Variants in SQOR observed in about 807,000 individuals in gnomAD.
The protein encoded by SQOR is sulfide quinone oxidoreductase, also known as sulfide:quinone oxidoreductase, mitochondrial.
Under a neutral mutation model 48.6 loss-of-function variants are expected in SQOR, and 39 were observed. That is an observed-to-expected ratio of 0.80 (90% CI 0.62 to 1.05). The LOEUF is 1.05. Ranked by LOEUF, SQOR falls within the 50% of genes least tolerant of loss-of-function variation. The pLI is 0.00. For synonymous variants in SQOR, 220 were observed against 206.2 expected, an observed-to-expected ratio of 1.07 and a Z score of -0.57; for missense variants, 561 against 559.9, an observed-to-expected ratio of 1.00 and a Z score of -0.02.
chr15:45,648,036 C>G (rs1889376772), intron 1 of SQOR, among the ~76,000 whole-genome samples: 1 of 152,206 alleles, frequency 6.6e-6, no homozygotes, highest in Non-Finnish European at 1.5e-5. Context: ...TTCTCTATCT[C>G]TACTCAAACC....
intron 1 of SQOR, among the ~76,000 whole-genome samples, chr15:45,653,325 C>T (rs1274721064): frequency 6.6e-6 from 1 of 152,180 alleles, no homozygotes; most frequent in Non-Finnish European, 1.5e-5. Flanking sequence ...CCCAAGGCTC[C>T]CATGATCCAT....
intron 1 of SQOR, among the ~76,000 whole-genome samples, chr15:45,657,386 T>C (rs1889631076): frequency 6.6e-6 from 1 of 152,074 alleles, no homozygotes; most frequent in African/African-American, 2.4e-5. Flanking sequence ...TCTTCTTCAG[T>C]ATTAGAGGTT....
chr15:45,677,792 C>T (rs1252709012), intron 6 of SQOR, among the ~76,000 whole-genome samples: 1 of 152,222 alleles, frequency 6.6e-6, no homozygotes, highest in Non-Finnish European at 1.5e-5. Context: ...CCTCTGCTTC[C>T]CAGGTTCAAG....
intron 1 of SQOR, among the ~76,000 whole-genome samples, chr15:45,647,051 C>A (rs1889353454): frequency 6.6e-6 from 1 of 152,100 alleles, no homozygotes; most frequent in Non-Finnish European, 1.5e-5. Flanking sequence ...GAGTTCGACA[C>A]CAGCTTGGCC....
rs555934683 is a variant in SQOR at position 45,641,675 on chromosome 15, G to A, written c.-18+6567G>A. ...CATTACTCAAGCAGAGGTGTGCCAAGAGGAAGAGCACAGCTGCTATCCTTT... is the reference window on the plus strand; with the variant it reads ...CATTACTCAAGCAGAGGTGTGCCAAAAGGAAGAGCACAGCTGCTATCCTTT... On this transcript the variant is annotated intron_variant, in intron 1 of 9. Coordinates refer to ENST00000260324, the MANE Select transcript of SQOR (RefSeq NM_021199.4). 3.3e-5 allele frequency among the ~76,000 whole-genome samples: 5 copies of A among 152,332 alleles called. No homozygotes were observed. The East Asian group carries it at 9.6e-4, about 29-fold the overall frequency.
At chr15:45,670,079 G>A in intron 4 of SQOR, 98 bp downstream of exon 4, 2 of 1,146,892 alleles carry the variant, frequency 1.7e-6, no homozygotes, top group Non-Finnish European at 2.6e-6. Context: ...GACAAGAAAG[G>A]GGTTCTAAGA....
intron 1 of SQOR, among the ~76,000 whole-genome samples, chr15:45,642,191 G>A (rs1358955902): frequency 6.6e-6 from 1 of 152,132 alleles, no homozygotes; most frequent in Non-Finnish European, 1.5e-5. Flanking sequence ...GACCTTCCAA[G>A]GGCTCTCACT....
intron 5 of SQOR, among the ~76,000 whole-genome samples, chr15:45,675,468 C>T (rs1385240957): frequency 6.6e-6 from 1 of 151,638 alleles, no homozygotes; most frequent in African/African-American, 2.4e-5. Context: ...AATCTCAGCT[C>T]CCTGCAAACT....
In SQOR at chr15:45,659,853, A is replaced by T. The variant is rs75839029; in HGVS notation, c.234+696A>T. On this transcript the variant is annotated intron_variant, in intron 2 of 9. Transcript: ENST00000260324. ...AACATCCTTCTTTGAGAGAGATACA[A>T]TTCAACCCATGACACTCTCCCAGTG... Among the ~76,000 whole-genome samples the T allele has an allele frequency of 1.3e-3, 205 of 152,302 alleles. 1 individual carries two copies. The highest frequency in any genetic ancestry group is 4.9e-3 in the African/African-American group (202 of 41,556).
At position 45,674,174 on chromosome 15, in the gene SQOR, C is replaced by T. The variant is rs145099443; in HGVS notation, c.654+373C>T. Among the ~76,000 whole-genome samples the T allele has an allele frequency of 8.1e-3, 1,234 of 152,122 alleles. 20 individuals carry two copies. The highest frequency in any genetic ancestry group is 0.028 in the African/African-American group (1,157 of 41,508). Reference sequence around the variant, plus strand: ...ACTGGATGCTGGGTGTGGTGGCTCTCGCCTCTAATCCCAGCACTTTGGGAG... The same window carrying T: ...ACTGGATGCTGGGTGTGGTGGCTCTTGCCTCTAATCCCAGCACTTTGGGAG... On this transcript the variant is annotated intron_variant, in intron 5 of 9. Coordinates refer to ENST00000260324, the MANE Select transcript of SQOR (RefSeq NM_021199.4).
chr15:45,647,328 C>CTTTT (rs532535956), intron 1 of SQOR, among the ~76,000 whole-genome samples: 25 of 140,548 alleles, frequency 1.8e-4, no homozygotes, highest in Non-Finnish European at 2.5e-4. Context: ...GCTACTTTAA[C>CTTTT]TTTTTTTTTT....
intron 1 of SQOR, among the ~76,000 whole-genome samples, chr15:45,657,763 A>G (rs1014866915): frequency 6.6e-5 from 10 of 152,188 alleles, no homozygotes; most frequent in Non-Finnish European, 8.8e-5. Flanking sequence ...TGGAAATGAT[A>G]TAATTAAGTC....
intron 1 of SQOR, among the ~76,000 whole-genome samples, chr15:45,641,605 T>A (rs1419074371): frequency 6.6e-6 from 1 of 152,204 alleles, no homozygotes; most frequent in Non-Finnish European, 1.5e-5. Flanking sequence ...TTGTTAACAG[T>A]ATAGTAATCC....
At chr15:45,657,927 T>A (rs1889642725) in intron 1 of SQOR, among the ~76,000 whole-genome samples, 1 of 152,072 alleles carries the variant, frequency 6.6e-6, no homozygotes, top group African/African-American at 2.4e-5. Context: ...GGGAGGGAGA[T>A]ATCATGAGCC....
At position 45,689,113 on chromosome 15, in the gene SQOR, A is replaced by G. The variant is rs1890275055; in HGVS notation, c.1191A>G (p.Ala397=). The part of the protein sequence containing the change: ...RVILAEFDYK[A]EPLETFPFDQ... ...TTCTTGCTGAGTTTGACTACAAAGC[A>G]GAGCCGCTAGAAACCTTCCCCTTTG... Residue 397 remains alanine, a synonymous_variant, in exon 9 of 10, where the codon GCA becomes GCG. Coordinates refer to ENST00000260324, the MANE Select transcript of SQOR (RefSeq NM_021199.4). The G allele has an allele frequency of 1.2e-6, 2 of 1,614,080 alleles. No individual in the cohort carries two copies. The highest frequency in any genetic ancestry group is 1.3e-5 in the African/African-American group (1 of 74,936).
chr15:45,662,862 G>C (rs1889746566), intron 3 of SQOR, among the ~76,000 whole-genome samples: 1 of 152,324 alleles, frequency 6.6e-6, no homozygotes. Flanking sequence ...GGCTCCTGTG[G>C]TTTTTGGACT....
Position 45,682,588 on chromosome 15 carries a change from C to A in SQOR, c.975C>A (p.His325Gln). Reference sequence around the variant, plus strand: ...ATGTGGATAAAGAAACTCTGCAACACAGGAGGTACCCAAATGTGTTTGGGA... The same window carrying A: ...ATGTGGATAAAGAAACTCTGCAACAAAGGAGGTACCCAAATGTGTTTGGGA... ...WVDVDKETLQ[H>Q]RRYPNVFGIG... Residue 325 changes from histidine to glutamine, a missense_variant, in exon 7 of 10, where the codon CAC becomes CAA. Coordinates refer to ENST00000260324, the MANE Select transcript of SQOR (RefSeq NM_021199.4). 1 of 1,614,198 alleles carries A rather than the reference C, an allele frequency of 6.2e-7. No individual in the cohort carries two copies. Among genetic ancestry groups the A allele is most frequent in the Non-Finnish European group, 8.5e-7 (1 of 1,180,038 alleles).
At chr15:45,684,201 C>G (rs1430297304) in intron 7 of SQOR, among the ~76,000 whole-genome samples, 1 of 152,206 alleles carries the variant, frequency 6.6e-6, no homozygotes, top group East Asian at 1.9e-4. Context: ...GCGTGAGCCA[C>G]CACGCCCAGC....
intron 3 of SQOR, among the ~76,000 whole-genome samples, chr15:45,667,941 C>CTTTTTTTTTTTTTT (rs1204451548): frequency 1.3e-4 from 13 of 103,274 alleles, no homozygotes; most frequent in Non-Finnish European, 2.1e-4. Context: ...TTCTTTCTTT[C>CTTTTTTTTTTTTTT]TTTTTTTTTT....
Sources: gnomAD v4.1 joint callset for allele counts (sites outside exome capture counted in the v4.1 genomes callset) on GRCh38, gnomAD v4.1.1 for gene constraint, MANE v1.5 for transcripts, NCBI Gene and HGNC (gene_info 2026-07-23, HGNC 2026-07-21) for gene names.